The following PTPRR variants were observed in gnomAD, a reference collection of about 807,000 sequenced individuals.
The protein encoded by PTPRR is receptor-type tyrosine-protein phosphatase R.
Under a neutral mutation model 77.2 loss-of-function variants are expected in PTPRR, and 38 were observed. The observed-to-expected ratio is 0.49, with a 90% CI of 0.38 to 0.65. PTPRR has a LOEUF of 0.65. PTPRR is among the 30% of genes least tolerant of loss of function. PTPRR has a pLI of 0.00. For missense variants in PTPRR, 744 were observed against 799.2 expected (o/e 0.93, Z 0.83); for synonymous variants, 299 against 283.1 (o/e 1.06, Z -0.57).
chr12:70,782,107 T>C lies in PTPRR; in HGVS notation c.358-17329A>G, dbSNP rs566163159. On this transcript the variant is annotated intron_variant, in intron 2 of 13. Transcript: ENST00000283228. ...TTCTTGTTTAAAAAGGGTAAGATCTTGTAGACAAGGACAATATTCAGGAGC... is the reference window on the plus strand; with the variant it reads ...TTCTTGTTTAAAAAGGGTAAGATCTCGTAGACAAGGACAATATTCAGGAGC... Among the ~76,000 whole-genome samples, 4 of 152,298 alleles carry C rather than the reference T, an allele frequency of 2.6e-5. No individual in the cohort carries two copies. The East Asian group carries it at 7.7e-4, about 29-fold the overall frequency.
chr12:70,843,972 C>T (rs774657918), intron 2 of PTPRR, among the ~76,000 whole-genome samples: 20 of 151,784 alleles, frequency 1.3e-4, no homozygotes, highest in East Asian at 1.9e-4. Flanking sequence ...TCTGCCACCA[C>T]GCCCAGCTAA....
intron 2 of PTPRR, among the ~76,000 whole-genome samples, chr12:70,768,090 T>C (rs1448640267): frequency 6.6e-6 from 1 of 151,594 alleles, no homozygotes; most frequent in Admixed American, 6.6e-5. Flanking sequence ...CACCCTAACA[T>C]CACAATTAAA....
At chr12:70,717,751 G>A (rs766204794) in intron 6 of PTPRR, among the ~76,000 whole-genome samples, 2 of 152,024 alleles carry the variant, frequency 1.3e-5, no homozygotes, top group Admixed American at 6.6e-5. Context: ...CCATGCATCC[G>A]GGCATTTCCT....
At chr12:70,746,180 TA>T (rs560925917) in intron 5 of PTPRR, 94 bp from the exon 6 acceptor site, 256 of 1,189,602 alleles carry the variant, frequency 2.2e-4, no homozygotes, top group Non-Finnish European at 2.9e-4. Flanking sequence ...CAAACCAAAA[TA>T]AAGGCTTAAC....
chr12:70,730,149 C>T (rs750483629), intron 6 of PTPRR, among the ~76,000 whole-genome samples: 3 of 152,138 alleles, frequency 2.0e-5, no homozygotes, highest in Non-Finnish European at 4.4e-5. Context: ...ACCCAAGCCT[C>T]GATTTTTACT....
chr12:70,900,444 C>G (rs566576104), intron 1 of PTPRR, among the ~76,000 whole-genome samples: 2 of 151,400 alleles, frequency 1.3e-5, no homozygotes, highest in Non-Finnish European at 3.0e-5. Flanking sequence ...AGGCAAAAAT[C>G]TCCACAACAT....
At chr12:70,738,866 C>T (rs949611095) in intron 6 of PTPRR, among the ~76,000 whole-genome samples, 19 of 152,210 alleles carry the variant, frequency 1.2e-4, no homozygotes, top group Non-Finnish European at 4.4e-5. Flanking sequence ...ACATGCTATG[C>T]TCCTCAATAC....
intron 2 of PTPRR, among the ~76,000 whole-genome samples, chr12:70,819,498 T>A (rs889108223): frequency 6.6e-6 from 1 of 152,172 alleles, no homozygotes; most frequent in African/African-American, 2.4e-5. Context: ...CTGCTCAAAA[T>A]TTTCACTTCA....
intron 2 of PTPRR, among the ~76,000 whole-genome samples, chr12:70,772,049 C>A (rs936251588): frequency 6.6e-6 from 1 of 151,800 alleles, no homozygotes; most frequent in Admixed American, 6.6e-5. Flanking sequence ...TAATAATAAC[C>A]CTCATTGAAG....
At chr12:70,868,229 C>G (rs1892893632) in intron 2 of PTPRR, among the ~76,000 whole-genome samples, 1 of 151,952 alleles carries the variant, frequency 6.6e-6, no homozygotes. Flanking sequence ...GCAAAAGAAA[C>G]TACCATCAGA....
intron 1 of PTPRR, among the ~76,000 whole-genome samples, chr12:70,901,809 A>G (rs1247045155): frequency 6.6e-6 from 1 of 151,864 alleles, no homozygotes. Flanking sequence ...TTGCATGGCA[A>G]AAGAATAGCA....
At chr12:70,894,838 A>G (rs892134966) in intron 1 of PTPRR, among the ~76,000 whole-genome samples, 2 of 151,764 alleles carry the variant, frequency 1.3e-5, no homozygotes, top group African/African-American at 4.8e-5. Context: ...TCATTGTCCA[A>G]TCATCATCTT....
rs759616619 is a variant in PTPRR, at chr12:70,701,166, T to C, written c.1165A>G (p.Ser389Gly). The C allele has an allele frequency of 3.1e-6, 5 of 1,613,926 alleles. No individual in the cohort carries two copies. Among genetic ancestry groups the C allele is most frequent in the Non-Finnish European group, 1.7e-6 (2 of 1,179,932 alleles). ...TRSQLRDVVA[S>G]SHLLQSEFME... is the part of the protein sequence containing the mutation. ...AATTCACTTTGGAGTAAATGTGAAC[T>C]TGCCACGACGTCCCTCAGCTGAGAC... is the stretch of plus-strand genomic sequence containing the variant. The change falls in exon 7 of 14, where the codon AGT (serine) becomes GGT (glycine). Residue 389 changes from serine (S) to glycine (G), a missense_variant. By Grantham distance (56) the Ser-to-Gly change is moderately conservative (BLOSUM62 0). This residue lies in a region of PTPRR where 570 missense variants were observed against 573.2 expected (regional missense o/e 0.99). Coordinates refer to ENST00000283228, the MANE Select transcript of PTPRR (RefSeq NM_002849.4).
chr12:70,776,307 TTATC>T (rs569163292), intron 2 of PTPRR, among the ~76,000 whole-genome samples: 104 of 152,330 alleles, frequency 6.8e-4, no homozygotes, highest in African/African-American at 2.5e-3. Context: ...CATATTTTCT[TTATC>T]TATATTTCCA....
At chr12:70,845,643 T>G (rs1047468704) in intron 2 of PTPRR, among the ~76,000 whole-genome samples, 4 of 152,178 alleles carry the variant, frequency 2.6e-5, no homozygotes, top group Non-Finnish European at 5.9e-5. Context: ...TGACCTCAAC[T>G]GCATCATGAA....
rs999503048 is a variant in PTPRR at position 70,680,516 on chromosome 12, C to T, written c.1497+3611G>A. On this transcript the variant is annotated intron_variant, in intron 10 of 13. Coordinates refer to ENST00000283228, the MANE Select transcript of PTPRR (RefSeq NM_002849.4). ...AAGCTGTAGTCAACTTTATTGATAA[C>T]CTCTGAAGGCCTTGGTGTGGCTAGT... Among the ~76,000 whole-genome samples the T allele has an allele frequency of 2.6e-5, 4 of 152,146 alleles. No homozygotes were observed. In the East Asian group the frequency reaches 5.8e-4, roughly 22 times the overall value.
chr12:70,649,649 C>A (rs1241351787), intron 13 of PTPRR, among the ~76,000 whole-genome samples: 1 of 152,146 alleles, frequency 6.6e-6, no homozygotes, highest in Non-Finnish European at 1.5e-5. Flanking sequence ...GAAGTCGGCT[C>A]ACCACAACTC....
chr12:70,888,152 G>A (rs936203177), intron 2 of PTPRR, among the ~76,000 whole-genome samples: 1 of 151,938 alleles, frequency 6.6e-6, no homozygotes, highest in African/African-American at 2.4e-5. Context: ...ATTAGAGAAA[G>A]AAAAGCAAAA....
At chr12:70,785,815 C>T (rs977795471) in intron 2 of PTPRR, among the ~76,000 whole-genome samples, 2 of 152,282 alleles carry the variant, frequency 1.3e-5, no homozygotes, top group African/African-American at 4.8e-5. Context: ...ATCCTGGGTA[C>T]AGTAAACAAA....
Sources: gnomAD v4.1 joint callset for allele counts (sites outside exome capture counted in the v4.1 genomes callset) on GRCh38, gnomAD v4.1.1 for gene constraint, gnomAD v4.1.1 regional missense constraint, MANE v1.5 for transcripts, NCBI Gene and HGNC (gene_info 2026-07-23, HGNC 2026-07-21) for gene names.